The following PLXDC2 variants were observed in gnomAD, a reference collection of about 807,000 sequenced individuals.
PLXDC2 encodes plexin domain-containing protein 2.
Under a neutral mutation model 68.9 loss-of-function variants are expected in PLXDC2, and 40 were observed. The observed-to-expected ratio is 0.58, with a 90% confidence interval of 0.45 to 0.76. The LOEUF (loss-of-function observed/expected upper bound fraction) is 0.76, where lower values mean the gene tolerates loss of function less well. PLXDC2 is among the 30% of genes least tolerant of loss of function. The probability of loss-of-function intolerance (pLI) is 0.00; values close to 1 mark genes in which losing one functional copy is unlikely to be tolerated. For synonymous variants in PLXDC2, 243 were observed against 234.2 expected, an observed-to-expected ratio of 1.04 and a Z score of -0.34; for missense variants, 644 against 661.9, an observed-to-expected ratio of 0.97 and a Z score of 0.30.
At chr10:20,114,779 C>T (rs1481580884) in intron 4 of PLXDC2, among the ~76,000 whole-genome samples, 2 of 152,096 alleles carry the variant, frequency 1.3e-5, no homozygotes, top group East Asian at 3.9e-4. Flanking sequence ...GTATCTGGAG[C>T]ACAGGATACA....
At chr10:20,182,348 A>G (rs573162330) in intron 9 of PLXDC2, among the ~76,000 whole-genome samples, 1 of 152,078 alleles carries the variant, frequency 6.6e-6, no homozygotes, top group East Asian at 1.9e-4. Flanking sequence ...AGGGAATCAC[A>G]CAGTATTTAC....
rs372680354 is a variant in PLXDC2, at chr10:19,950,935, G to A, written c.113-50840G>A. ...TCAATAAATGGTACTGGGACAACTG[G>A]CTAGGCATATGCAGAAGAATGAAAC... On this transcript the variant is annotated intron_variant, in intron 1 of 13. Coordinates refer to ENST00000377252, the MANE Select transcript of PLXDC2 (RefSeq NM_032812.9). 1.7e-4 allele frequency among the ~76,000 whole-genome samples: 26 copies of A among 152,262 alleles called. No individual in the cohort carries two copies. The East Asian group carries it at 3.3e-3, about 19-fold the overall frequency.
chr10:20,203,879 A>G (rs1249871470), intron 9 of PLXDC2, among the ~76,000 whole-genome samples: 2 of 152,304 alleles, frequency 1.3e-5, no homozygotes, highest in East Asian at 3.9e-4. Flanking sequence ...GCAGATAACT[A>G]TTCTTATGAA....
At chr10:19,839,646 T>G (rs918310363) in intron 1 of PLXDC2, among the ~76,000 whole-genome samples, 3 of 151,928 alleles carry the variant, frequency 2.0e-5, no homozygotes, top group Non-Finnish European at 2.9e-5. Context: ...TTTTTTTTTT[T>G]TGTGATGATT....
At chr10:19,890,681 T>G (rs1252896348) in intron 1 of PLXDC2, among the ~76,000 whole-genome samples, 1 of 141,156 alleles carries the variant, frequency 7.1e-6, no homozygotes, top group Non-Finnish European at 1.5e-5. Context: ...GGCTGCTTTT[T>G]TTTTTTTTTT....
chr10:20,092,156 T>C (rs1833287929), intron 4 of PLXDC2, among the ~76,000 whole-genome samples: 2 of 152,218 alleles, frequency 1.3e-5, no homozygotes, highest in South Asian at 2.1e-4. Flanking sequence ...TCCTTTCACA[T>C]TGCAGTTCTG....
chr10:19,909,173 C>A (rs1329748982), intron 1 of PLXDC2, among the ~76,000 whole-genome samples: 3 of 152,056 alleles, frequency 2.0e-5, no homozygotes, highest in Non-Finnish European at 2.9e-5. Context: ...AAGAAGGTGA[C>A]TAGTCTCATA....
rs1180030739 is a variant in PLXDC2, at chr10:19,849,191, T to C, written c.112+32000T>C. On this transcript the variant is annotated intron_variant, in intron 1 of 13. Transcript: ENST00000377252. ...AAAGAAACAAGTTTATTGTAGATAATGGAAATAAAAAATAAATAACAATAA... is the reference window on the plus strand; with the variant it reads ...AAAGAAACAAGTTTATTGTAGATAACGGAAATAAAAAATAAATAACAATAA... Among the ~76,000 whole-genome samples, 3 of 152,146 alleles carry C rather than the reference T, an allele frequency of 2.0e-5. No homozygotes were observed. In the East Asian group the frequency reaches 5.8e-4, roughly 29 times the overall value.
At chr10:20,185,160 G>GAAAAA (rs11307851) in intron 9 of PLXDC2, among the ~76,000 whole-genome samples, 27 of 56,004 alleles carry the variant, frequency 4.8e-4, no homozygotes, top group Admixed American at 9.9e-4. Context: ...GAACTGAAAG[G>GAAAAA]AAAAAAAAAA....
chr10:20,158,287 A>G (rs1314388303), intron 6 of PLXDC2, among the ~76,000 whole-genome samples: 1 of 152,100 alleles, frequency 6.6e-6, no homozygotes, highest in African/African-American at 2.4e-5. Flanking sequence ...ATCCTTCTAA[A>G]TACAGAGTCT....
intron 2 of PLXDC2, among the ~76,000 whole-genome samples, chr10:20,040,536 T>C (rs375865956): frequency 6.6e-6 from 1 of 152,160 alleles, no homozygotes; most frequent in Non-Finnish European, 1.5e-5. Context: ...TTAACATAAA[T>C]CCTCGTCTTG....
intron 12 of PLXDC2, among the ~76,000 whole-genome samples, chr10:20,238,972 A>C (rs1394313660): frequency 6.6e-6 from 1 of 151,858 alleles, no homozygotes; most frequent in East Asian, 1.9e-4. Context: ...AAAATGTCTT[A>C]AGCACAGGGC....
intron 4 of PLXDC2, among the ~76,000 whole-genome samples, chr10:20,119,138 A>T (rs1451904066): frequency 6.6e-6 from 1 of 152,150 alleles, no homozygotes; most frequent in Non-Finnish European, 1.5e-5. Flanking sequence ...ACAATCAAGT[A>T]ACGAACATGT....
intron 1 of PLXDC2, among the ~76,000 whole-genome samples, chr10:19,833,083 T>A (rs535629401): frequency 6.6e-6 from 1 of 152,024 alleles, no homozygotes; most frequent in Non-Finnish European, 1.5e-5. Context: ...AAGTTGGAAG[T>A]GGGAAGTTAA....
chr10:20,047,955 A>G (rs76640115), intron 3 of PLXDC2, among the ~76,000 whole-genome samples: 2,712 of 152,264 alleles, frequency 0.018, 78 homozygotes, highest in African/African-American at 0.061. Context: ...GATAAATGCC[A>G]GATTTCACAT....
At chr10:19,922,931 T>C (rs1833483951) in intron 1 of PLXDC2, among the ~76,000 whole-genome samples, 1 of 152,210 alleles carries the variant, frequency 6.6e-6, no homozygotes, top group Admixed American at 6.5e-5. Flanking sequence ...TTTGAGCCTC[T>C]CAAATGCAAA....
intron 4 of PLXDC2, among the ~76,000 whole-genome samples, chr10:20,124,254 TG>T (rs1426082309): frequency 6.6e-6 from 1 of 152,126 alleles, no homozygotes; most frequent in Non-Finnish European, 1.5e-5. Context: ...GGATAAAACG[TG>T]TCTCCTTTGT....
In PLXDC2 at chr10:19,907,056, G is replaced by A. The variant is rs1462355334; in HGVS notation, c.112+89865G>A. On this transcript the variant is annotated intron_variant, in intron 1 of 13. Transcript: ENST00000377252. ...ATAATTAAAGTTGGTCAGCTTCAAAGAGATGGCAGTGTAACTCCTAGGAAG... is the reference window on the plus strand; with the variant it reads ...ATAATTAAAGTTGGTCAGCTTCAAAAAGATGGCAGTGTAACTCCTAGGAAG... Among the ~76,000 whole-genome samples the A allele has an allele frequency of 7.9e-5, 12 of 152,272 alleles. No individual in the cohort carries two copies. In the East Asian group the frequency reaches 2.3e-3, roughly 29 times the overall value.
intron 1 of PLXDC2, among the ~76,000 whole-genome samples, chr10:19,910,183 T>C (rs925618844): frequency 6.1e-4 from 92 of 150,884 alleles, no homozygotes; most frequent in African/African-American, 2.2e-3. Flanking sequence ...TATATATATA[T>C]ATATATATAT....
Sources: gnomAD v4.1 joint callset for allele counts (sites outside exome capture counted in the v4.1 genomes callset) on GRCh38, gnomAD v4.1.1 for gene constraint, MANE v1.5 for transcripts, NCBI Gene and HGNC (gene_info 2026-07-23, HGNC 2026-07-21) for gene names.